Variants in DNAJC1 observed in about 807,000 individuals in gnomAD.
DNAJC1 encodes dnaJ homolog subfamily C member 1.
A neutral mutation model predicts 76.6 loss-of-function variants in DNAJC1; 58 were observed. The ratio of observed to expected loss-of-function variants is 0.76; its 90% CI spans 0.61 to 0.94. The LOEUF (loss-of-function observed/expected upper bound fraction) is 0.94. DNAJC1 is among the 40% of genes least tolerant of loss of function. DNAJC1 has a pLI of 0.00. For synonymous variants in DNAJC1, 258 were observed against 267.9 expected, an observed-to-expected ratio of 0.96 and a Z score of 0.36; for missense variants, 689 against 677.3, an observed-to-expected ratio of 1.02 and a Z score of -0.19.
intron 11 of DNAJC1, among the ~76,000 whole-genome samples, chr10:21,758,646 C>T (rs1231375495): frequency 1.3e-5 from 2 of 152,252 alleles, no homozygotes; most frequent in East Asian, 3.8e-4. Flanking sequence ...ACCAGGTGTA[C>T]CTGCTGAGTC....
At chr10:21,818,595 C>G (rs913206932) in intron 8 of DNAJC1, among the ~76,000 whole-genome samples, 25 of 152,134 alleles carry the variant, frequency 1.6e-4, no homozygotes, top group Non-Finnish European at 1.5e-5. Context: ...ATCACGGAAA[C>G]TGCCGACATG....
Position 21,925,412 on chromosome 10 carries a change from C to T in DNAJC1, c.371+3094G>A, listed in dbSNP as rs59884108. ...TTCTTGGGGGAGAAAAAGGCTTAAA[C>T]GTTTATTCACAATTGCACTCCTAGG... On this transcript the variant is annotated intron_variant, in intron 3 of 11. Transcript: ENST00000376980. Among the ~76,000 whole-genome samples the T allele has an allele frequency of 4.3e-4, 65 of 152,216 alleles. 1 individual carries two copies. The highest frequency in any genetic ancestry group is 1.5e-3 in the African/African-American group (61 of 41,540).
intron 1 of DNAJC1, among the ~76,000 whole-genome samples, chr10:21,950,817 A>G (rs1837582162): frequency 6.6e-6 from 1 of 152,222 alleles, no homozygotes; most frequent in African/African-American, 2.4e-5. Flanking sequence ...CTTGAGCCAG[A>G]GCCTAATCCA....
In DNAJC1 at chr10:21,879,076, G is replaced by A. The variant is rs149530200; in HGVS notation, c.978+3206C>T. Reference sequence around the variant, plus strand: ...ACTAACAAGCAGGTAAAACTACTCCGAAGTCAGGAATGTCATCATCTTTGT... The same window carrying A: ...ACTAACAAGCAGGTAAAACTACTCCAAAGTCAGGAATGTCATCATCTTTGT... On this transcript the variant is annotated intron_variant, in intron 8 of 11. Coordinates refer to ENST00000376980, the MANE Select transcript of DNAJC1 (RefSeq NM_022365.4). Among the ~76,000 whole-genome samples the A allele has an allele frequency of 1.6e-3, 240 of 152,280 alleles. 1 individual carries two copies. The highest frequency in any genetic ancestry group is 5.5e-3 in the African/African-American group (229 of 41,560).
At chr10:21,981,840 T>A (rs993887560) in intron 1 of DNAJC1, among the ~76,000 whole-genome samples, 20 of 152,160 alleles carry the variant, frequency 1.3e-4, no homozygotes, top group African/African-American at 4.6e-4. Flanking sequence ...TGAACTTCTA[T>A]CTCCTCCTTT....
At chr10:21,759,673 G>T in intron 10 of DNAJC1, 55 bp from the exon 11 acceptor site, 2 of 1,543,078 alleles carry the variant, frequency 1.3e-6, no homozygotes, top group Non-Finnish European at 1.8e-6. Flanking sequence ...TTAAGGAGAC[G>T]GTGAGAACAG....
At chr10:21,975,177 G>A (rs922612585) in intron 1 of DNAJC1, among the ~76,000 whole-genome samples, 5 of 152,104 alleles carry the variant, frequency 3.3e-5, no homozygotes, top group Non-Finnish European at 7.4e-5. Context: ...ATAGTTATTT[G>A]AAAGAGTTGC....
chr10:21,875,761 C>T (rs1564814697), intron 8 of DNAJC1, among the ~76,000 whole-genome samples: 1 of 152,076 alleles, frequency 6.6e-6, no homozygotes, highest in Non-Finnish European at 1.5e-5. Context: ...CCCATCTCTA[C>T]TACAAATACA....
chr10:21,793,912 C>T (rs1834722274), intron 9 of DNAJC1, among the ~76,000 whole-genome samples: 1 of 152,010 alleles, frequency 6.6e-6, no homozygotes, highest in South Asian at 2.1e-4. Flanking sequence ...GTGGTCACAC[C>T]ACTGCATTCC....
At chr10:21,908,049 T>TA (rs1173502716) in intron 6 of DNAJC1, among the ~76,000 whole-genome samples, 1 of 115,964 alleles carries the variant, frequency 8.6e-6, no homozygotes, top group South Asian at 2.2e-4. Flanking sequence ...ATATAATATA[T>TA]AAATATATAT....
chr10:21,761,182 A>C (rs1159345893), intron 10 of DNAJC1, among the ~76,000 whole-genome samples: 1 of 152,172 alleles, frequency 6.6e-6, no homozygotes, highest in Non-Finnish European at 1.5e-5. Context: ...TCTGTCTCAA[A>C]ACAACAACAA....
chr10:21,893,837 C>A (rs1836495556), intron 7 of DNAJC1, among the ~76,000 whole-genome samples: 1 of 151,636 alleles, frequency 6.6e-6, no homozygotes, highest in Non-Finnish European at 1.5e-5. Flanking sequence ...GAGCAGAAAT[C>A]AATGAAATTG....
At chr10:21,854,297 T>C (rs1835797796) in intron 8 of DNAJC1, among the ~76,000 whole-genome samples, 2 of 147,978 alleles carry the variant, frequency 1.4e-5, no homozygotes, top group Admixed American at 6.8e-5. Context: ...CTATACAATA[T>C]GGTGAAAAAA....
In DNAJC1 at chr10:21,772,994, G is replaced by A. The variant is rs1834406458; in HGVS notation, c.1099-6685C>T. ...AATGGTGCATACTTTTAAACAACCA[G>A]ATCTTGTGAGACCTCTGTCCCGAGA... On this transcript the variant is annotated intron_variant, in intron 9 of 11. Coordinates refer to ENST00000376980, the MANE Select transcript of DNAJC1 (RefSeq NM_022365.4). 3.3e-5 allele frequency among the ~76,000 whole-genome samples: 5 copies of A among 152,142 alleles called. No individual in the cohort carries two copies. The South Asian group carries it at 1.0e-3, about 32-fold the overall frequency.
chr10:21,983,938 T>A lies in DNAJC1; in HGVS notation c.222+19275A>T, dbSNP rs559240763. Among the ~76,000 whole-genome samples the A allele has an allele frequency of 4.9e-4, 74 of 152,264 alleles. No individual in the cohort carries two copies. In the South Asian group the frequency reaches 0.011, roughly 23 times the overall value. ...TTAAAATGGTAAATTTTACATTATGTATATTTTACTACAATAAAAAACAAA... is the reference window on the plus strand; with the variant it reads ...TTAAAATGGTAAATTTTACATTATGAATATTTTACTACAATAAAAAACAAA... On this transcript the variant is annotated intron_variant, in intron 1 of 11. Coordinates refer to ENST00000376980, the MANE Select transcript of DNAJC1 (RefSeq NM_022365.4).
At chr10:21,823,701 C>T (rs1044431269) in intron 8 of DNAJC1, among the ~76,000 whole-genome samples, 4 of 146,232 alleles carry the variant, frequency 2.7e-5, no homozygotes, top group Non-Finnish European at 4.5e-5. Flanking sequence ...TTGGGTCAGA[C>T]ATAAAATACA....
chr10:21,987,935 T>C (rs1838272156), intron 1 of DNAJC1, among the ~76,000 whole-genome samples: 2 of 152,182 alleles, frequency 1.3e-5, no homozygotes, highest in Non-Finnish European at 2.9e-5. Flanking sequence ...CAATAAAATC[T>C]GAATACAACT....
intron 7 of DNAJC1, among the ~76,000 whole-genome samples, chr10:21,888,268 C>G (rs906177575): frequency 5.3e-5 from 8 of 152,136 alleles, no homozygotes; most frequent in African/African-American, 1.9e-4. Flanking sequence ...GAAAAGGGAA[C>G]ACCTATACAC....
At position 21,873,405 on chromosome 10, in the gene DNAJC1, T is replaced by C. The variant is rs80343441; in HGVS notation, c.978+8877A>G. The stretch of plus-strand genomic sequence containing the variant: ...ACTCATGATTTTGAGAAATCTTCAA[T>C]AAGATTAACAGCTGATTTCTAATCA... On this transcript the variant is annotated intron_variant, in intron 8 of 11. Coordinates refer to ENST00000376980, the MANE Select transcript of DNAJC1 (RefSeq NM_022365.4). Among the ~76,000 whole-genome samples the C allele has an allele frequency of 9.0e-3, 1,374 of 152,140 alleles. 17 individuals carry two copies. The highest frequency in any genetic ancestry group is 0.03 in the African/African-American group (1,265 of 41,508).
Sources: gnomAD v4.1 joint callset for allele counts (sites outside exome capture counted in the v4.1 genomes callset) on GRCh38, gnomAD v4.1.1 for gene constraint, MANE v1.5 for transcripts, NCBI Gene and HGNC (gene_info 2026-07-23, HGNC 2026-07-21) for gene names.